The following ARID1B variants were observed in gnomAD, a reference collection of about 807,000 sequenced individuals.
ARID1B encodes the protein AT-rich interaction domain 1B.
A neutral mutation model predicts 212.3 loss-of-function variants in ARID1B; 30 were observed. The ratio of observed to expected loss-of-function variants is 0.14; its 90% confidence interval spans 0.11 to 0.19. The LOEUF is 0.19. Among genes scored for constraint, ARID1B ranks in the 10% least tolerant of loss-of-function variants. The pLI is 1.00. For synonymous variants in ARID1B, 1,402 were observed against 1,301.7 expected (o/e 1.08, Z -1.66); for missense variants, 2,891 against 3,204.0 (o/e 0.90, Z 2.36).
In ARID1B at chr6:157,054,904, C is replaced by T. The variant is rs536733398; in HGVS notation, c.2248-29758C>T. On this transcript the variant is annotated intron_variant, in intron 4 of 19. Coordinates refer to ENST00000636930, the MANE Select transcript of ARID1B (RefSeq NM_001374828.1). ...TCATTCTGCAGCAGCGTTTCACTAG[C>T]TCACTCATCCCCAGTGGTGGGTCTC... Among the ~76,000 whole-genome samples the T allele has an allele frequency of 3.9e-5, 6 of 152,366 alleles. No homozygotes were observed. In the South Asian group the frequency reaches 1.2e-3, roughly 32 times the overall value.
chr6:156,797,713 C>T (rs377741538), intron 1 of ARID1B, among the ~76,000 whole-genome samples: 39 of 152,026 alleles, frequency 2.6e-4, no homozygotes, highest in East Asian at 9.6e-4. Flanking sequence ...CCAGACAGCT[C>T]GATGGAGATG....
chr6:156,920,864 T>TTC (rs894942344), intron 3 of ARID1B, among the ~76,000 whole-genome samples: 1 of 151,610 alleles, frequency 6.6e-6, no homozygotes, highest in African/African-American at 2.4e-5. Flanking sequence ...TTCTTTTCTT[T>TTC]TTTTTTTTTG....
At chr6:156,859,115 A>G (rs1039230839) in intron 2 of ARID1B, among the ~76,000 whole-genome samples, 3 of 151,830 alleles carry the variant, frequency 2.0e-5, no homozygotes, top group Non-Finnish European at 4.4e-5. Flanking sequence ...GTATGGGACC[A>G]CTCTTTTTTA....
Position 157,186,541 on chromosome 6 carries a change from C to T in ARID1B, c.3919+2106C>T, listed in dbSNP as rs938712972. ...CTGCCACCCACACAGCAGGTGGCCT[C>T]TCCGATTCCAGTCCCATCATTAGGG... is the stretch of plus-strand genomic sequence containing the variant. On this transcript the variant is annotated intron_variant, in intron 13 of 19. Transcript: ENST00000636930. The T allele has an allele frequency of 7.9e-5, 37 of 470,974 alleles. No homozygotes were observed. The Admixed American group carries it at 8.7e-4, about 11-fold the overall frequency. The allele number at this position is 470,974 out of a possible 1,614,324, so 29.2% of individuals were successfully genotyped here. A position where few individuals can be genotyped will look rare whatever the true frequency, so the allele number is the denominator to read the frequency against.
intron 4 of ARID1B, among the ~76,000 whole-genome samples, chr6:156,976,084 G>A (rs1777227520): frequency 6.6e-6 from 1 of 151,970 alleles, no homozygotes; most frequent in African/African-American, 2.4e-5. Context: ...GCTGGGAGGG[G>A]GTGTATTGTC....
rs1164805779 is a variant in ARID1B at position 156,945,233 on chromosome 6, C to CTTTTTTTTTTTTTTTTTTTTTTTT, written c.2247+9669_2247+9692dup. Among the ~76,000 whole-genome samples, 3 of 32,644 alleles carry CTTTTTTTTTTTTTTTTTTTTTTTT rather than the reference C, an allele frequency of 9.2e-5. 1 individual carries two copies. Among genetic ancestry groups the CTTTTTTTTTTTTTTTTTTTTTTTT allele is most frequent in the Non-Finnish European group, 1.2e-4 (2 of 17,238 alleles). The allele number at this position is 32,644 out of a possible 152,430, so 21.4% of individuals were successfully genotyped here. A position where few individuals can be genotyped will look rare whatever the true frequency, so the allele number is the denominator to read the frequency against. The stretch of plus-strand genomic sequence containing the variant: ...GACCGGTGTGAGCCCCCGCATCCGG[C>CTTTTTTTTTTTTTTTTTTTTTTTT]TTTTTTTTTTTTTTTTTTTTTTTTT... On this transcript the variant is annotated intron_variant, in intron 4 of 19. Transcript: ENST00000636930.
At chr6:156,871,407 A>G (rs930778518) in intron 2 of ARID1B, among the ~76,000 whole-genome samples, 2 of 152,242 alleles carry the variant, frequency 1.3e-5, no homozygotes, top group African/African-American at 4.8e-5. Context: ...GGTGCTAGAC[A>G]GAGTGGAAAT....
intron 6 of ARID1B, among the ~76,000 whole-genome samples, chr6:157,119,398 C>T (rs1787545869): frequency 6.6e-6 from 1 of 152,188 alleles, no homozygotes; most frequent in Non-Finnish European, 1.5e-5. Context: ...GGGGCCTGTC[C>T]TTATCCAGCC....
At chr6:156,837,595 TTTGA>T (rs1489431248) in intron 2 of ARID1B, among the ~76,000 whole-genome samples, 1 of 152,192 alleles carries the variant, frequency 6.6e-6, no homozygotes, top group Non-Finnish European at 1.5e-5. Flanking sequence ...TTTATGGCAG[TTTGA>T]TTATTTTTAC....
At chr6:157,184,581 A>G in intron 13 of ARID1B, 146 bp downstream of exon 13, 1 of 906,724 alleles carries the variant, frequency 1.1e-6, no homozygotes, top group South Asian at 1.6e-5. Flanking sequence ...TGTTTATTTA[A>G]TTGGACGCCC....
chr6:156,984,859 T>C (rs967984223), intron 4 of ARID1B: 5 of 152,022 alleles, frequency 3.3e-5, no homozygotes, highest in African/African-American at 1.2e-4. Context: ...ATCTGGCTAA[T>C]TGTTTTGTAT....
chr6:157,195,033 G>C (rs546515358), intron 15 of ARID1B: 2 of 152,322 alleles, frequency 1.3e-5, no homozygotes, highest in South Asian at 4.1e-4. Flanking sequence ...ATGTTGAAAA[G>C]AAATGAAATT....
In ARID1B at chr6:156,997,422, G is replaced by A. The variant is rs545005940; in HGVS notation, c.2247+61846G>A. Among the ~76,000 whole-genome samples, 83 of 152,206 alleles carry A rather than the reference G, an allele frequency of 5.5e-4. No homozygotes were observed. The South Asian group carries it at 9.3e-3, about 17-fold the overall frequency. On this transcript the variant is annotated intron_variant, in intron 4 of 19. Coordinates refer to ENST00000636930, the MANE Select transcript of ARID1B (RefSeq NM_001374828.1). The stretch of plus-strand genomic sequence containing the variant: ...GTGGCATCCTTTTTACTTTAGTATT[G>A]AAATAACAATTCTTTATATCGTCAC...
In ARID1B at chr6:157,150,651, G is replaced by A. The variant is rs144611609; in HGVS notation, c.3089+1700G>A. On this transcript the variant is annotated intron_variant, in intron 8 of 19. Transcript: ENST00000636930. Reference sequence around the variant, plus strand: ...TGTAAGCCCCGCACCTATGTGTGGGGGTGACAGATATACAGGGCTCATGCT... The same window carrying A: ...TGTAAGCCCCGCACCTATGTGTGGGAGTGACAGATATACAGGGCTCATGCT... 703 of 172,030 alleles carry A rather than the reference G, an allele frequency of 4.1e-3. 6 individuals are homozygous for A. The highest frequency in any genetic ancestry group is 0.016 in the African/African-American group (659 of 42,156). 10.7% of individuals were successfully genotyped at this position (172,030 alleles called of 1,614,324 possible). A position where few individuals can be genotyped will look rare whatever the true frequency, so the allele number is the denominator to read the frequency against.
At chr6:156,977,472 A>G (rs556149516) in intron 4 of ARID1B, among the ~76,000 whole-genome samples, 15 of 152,154 alleles carry the variant, frequency 9.9e-5, no homozygotes, top group Non-Finnish European at 2.2e-4. Context: ...TTTTACATGC[A>G]TCATTAAAGT....
At chr6:157,016,043 C>T (rs1006320556) in intron 4 of ARID1B, among the ~76,000 whole-genome samples, 4 of 152,172 alleles carry the variant, frequency 2.6e-5, no homozygotes, top group African/African-American at 2.4e-5. Flanking sequence ...TCTTTTATCT[C>T]GGAAGACATT....
intron 3 of ARID1B, 92 bp from the exon 4 acceptor site, chr6:156,935,374 C>A: frequency 8.8e-7 from 1 of 1,129,994 alleles, no homozygotes; most frequent in Non-Finnish European, 1.3e-6. Context: ...GCCACTGTGC[C>A]CAGCCAAGCT....
chr6:156,830,336 C>T (rs189060308), intron 2 of ARID1B, among the ~76,000 whole-genome samples: 6 of 152,262 alleles, frequency 3.9e-5, no homozygotes, highest in South Asian at 2.1e-4. Context: ...GTGCGGCCGT[C>T]GGTAACCCAC....
intron 4 of ARID1B, among the ~76,000 whole-genome samples, chr6:157,068,940 G>A (rs1783844330): frequency 3.3e-5 from 5 of 152,212 alleles, no homozygotes; most frequent in East Asian, 3.9e-4. Flanking sequence ...TTCACATTTC[G>A]AAAACACAGA....
Sources: gnomAD v4.1 joint callset for allele counts (sites outside exome capture counted in the v4.1 genomes callset) on GRCh38, gnomAD v4.1.1 for gene constraint, MANE v1.5 for transcripts, NCBI Gene and HGNC (gene_info 2026-07-23, HGNC 2026-07-21) for gene names.